Variants in IFT56 observed in about 807,000 individuals in gnomAD.
IFT56 encodes the protein intraflagellar transport protein 56.
At chr7:139,172,915 A>G in the IFT56 span, 1 of 715,008 alleles carries the variant, frequency 1.4e-6, no homozygotes, top group Non-Finnish European at 2.7e-6. Flanking sequence ...CTTCTTTTCC[A>G]GGTGCAGGAA....
At chr7:139,174,425 G>A in the IFT56 span, among the ~76,000 whole-genome samples, 6 of 152,148 alleles carry the variant, frequency 3.9e-5, no homozygotes, top group African/African-American at 1.2e-4. Context: ...CAAAGCACGC[G>A]TGAGGTTCCC....
At chr7:139,189,661 A>C in the IFT56 span, 1 of 320,876 alleles carries the variant, frequency 3.1e-6, no homozygotes. Context: ...TTTTGGACTT[A>C]TCTGGTGCCT....
At chr7:139,136,370 C>A in the IFT56 span, among the ~76,000 whole-genome samples, 8 of 152,130 alleles carry the variant, frequency 5.3e-5, no homozygotes, top group African/African-American at 1.9e-4. Context: ...ATGTATATAT[C>A]TATTTTCATC....
At chr7:139,174,164 C>A in the IFT56 span, 1 of 592,866 alleles carries the variant, frequency 1.7e-6, no homozygotes, top group Non-Finnish European at 3.3e-6. Context: ...ACATGATCTT[C>A]AGTTGCCCAC....
the IFT56 span, chr7:139,165,215 GATTTACTACCTTCGTCAAGGTA>G: frequency 1.9e-6 from 3 of 1,613,096 alleles, no homozygotes; most frequent in Non-Finnish European, 2.5e-6. Context: ...TAAACTTGGT[GATTTACTACCTTCGTCAAGGTA>G]AGAAAAATTT....
the IFT56 span, among the ~76,000 whole-genome samples, chr7:139,189,102 G>A: frequency 6.6e-6 from 1 of 152,260 alleles, no homozygotes; most frequent in Non-Finnish European, 1.5e-5. Flanking sequence ...GGAACACTTG[G>A]ATTGGCAAGA....
chr7:139,168,588 A>C, the IFT56 span: 1 of 585,068 alleles, frequency 1.7e-6, no homozygotes, highest in Non-Finnish European at 3.1e-6. Flanking sequence ...AAAACAAAAA[A>C]AAAACTTGTA....
chr7:139,187,071 G>A, the IFT56 span, among the ~76,000 whole-genome samples: 3 of 144,880 alleles, frequency 2.1e-5, no homozygotes, highest in Admixed American at 6.9e-5. Context: ...TCCGCAGTCC[G>A]GCCTGGGCGA....
the IFT56 span, among the ~76,000 whole-genome samples, chr7:139,187,112 A>AT: frequency 4.0e-5 from 6 of 151,216 alleles, no homozygotes; most frequent in African/African-American, 1.5e-4. Flanking sequence ...AAAAAAAAAA[A>AT]AAAAAAAAAA....
chr7:139,136,221 G>C, the IFT56 span, among the ~76,000 whole-genome samples: 1 of 152,090 alleles, frequency 6.6e-6, no homozygotes, highest in African/African-American at 2.4e-5. Flanking sequence ...CACCGCGCCC[G>C]GCCTAGTTTG....
At chr7:139,160,935 C>A in the IFT56 span, 5 of 1,609,870 alleles carry the variant, frequency 3.1e-6, no homozygotes, top group Admixed American at 8.4e-5. Flanking sequence ...AGCCTTTCTT[C>A]TTTAAATTTC....
At chr7:139,143,909 T>C in the IFT56 span, among the ~76,000 whole-genome samples, 1 of 152,138 alleles carries the variant, frequency 6.6e-6, no homozygotes, top group African/African-American at 2.4e-5. Flanking sequence ...TGATATTGAT[T>C]AGTACTTTTA....
the IFT56 span, among the ~76,000 whole-genome samples, chr7:139,154,976 T>G: frequency 6.6e-6 from 1 of 152,134 alleles, no homozygotes; most frequent in African/African-American, 2.4e-5. Flanking sequence ...GTTTTTCCAT[T>G]TATTTAGGTG....
the IFT56 span, among the ~76,000 whole-genome samples, chr7:139,149,528 T>C: frequency 6.6e-6 from 1 of 152,094 alleles, no homozygotes; most frequent in African/African-American, 2.4e-5. Context: ...ACCACTGAAT[T>C]TGTTCCACAT....
chr7:139,169,177 G>T, the IFT56 span: 2 of 938,408 alleles, frequency 2.1e-6, no homozygotes, highest in Non-Finnish European at 1.6e-6. Flanking sequence ...TTTGGGGCAA[G>T]ATTTAAAACA....
chr7:139,164,436 TC>T, the IFT56 span, among the ~76,000 whole-genome samples: 4 of 152,244 alleles, frequency 2.6e-5, no homozygotes, highest in African/African-American at 9.6e-5. Flanking sequence ...TTTCTGCAGT[TC>T]TTATGAAGAG....
the IFT56 span, chr7:139,142,155 T>A: frequency 8.2e-7 from 1 of 1,217,424 alleles, no homozygotes; most frequent in Non-Finnish European, 1.2e-6. Flanking sequence ...TAGGATCAGA[T>A]GAGTAAGGTT....
At chr7:139,148,818 G>C in the IFT56 span, among the ~76,000 whole-genome samples, 36,969 of 149,356 alleles carry the variant, frequency 0.25, 8,413 homozygotes, top group African/African-American at 0.57. Context: ...CTACTGGGGG[G>C]TTCGGGGGGC....
the IFT56 span, chr7:139,137,984 A>C: frequency 2.5e-6 from 3 of 1,209,106 alleles, no homozygotes; most frequent in Non-Finnish European, 3.6e-6. Context: ...TGTGTTTAAA[A>C]TGTTATTAAA....
Sources: gnomAD v4.1 joint callset for allele counts (sites outside exome capture counted in the v4.1 genomes callset) on GRCh38, gnomAD v4.1.1 for gene constraint, MANE v1.5 for transcripts, NCBI Gene and HGNC (gene_info 2026-07-23, HGNC 2026-07-21) for gene names.